The following MYO16 variants were observed in gnomAD, a reference collection of about 807,000 sequenced individuals.
The protein encoded by MYO16 is unconventional myosin-XVI.
A neutral mutation model predicts 205.3 loss-of-function variants in MYO16; 94 were observed. The observed-to-expected ratio is 0.46, with a 90% CI of 0.39 to 0.54. MYO16 has a LOEUF of 0.54. MYO16 is among the 20% of genes least tolerant of loss of function. The pLI, the probability that MYO16 is intolerant of heterozygous loss-of-function variation, is 0.00. For missense variants in MYO16, 2,315 were observed against 2,387.5 expected, an observed-to-expected ratio of 0.97 and a Z score of 0.63; for synonymous variants, 988 against 954.0, an observed-to-expected ratio of 1.04 and a Z score of -0.66.
intron 23 of MYO16, among the ~76,000 whole-genome samples, chr13:109,039,841 C>T (rs1458343075): frequency 2.0e-5 from 3 of 151,760 alleles, no homozygotes; most frequent in African/African-American, 7.3e-5. Context: ...GACAAAAAAG[C>T]AGAAATCAAT....
intron 20 of MYO16, among the ~76,000 whole-genome samples, chr13:108,978,783 C>T (rs1371623106): frequency 6.6e-6 from 1 of 151,908 alleles, no homozygotes; most frequent in Admixed American, 6.5e-5. Context: ...ATCATATACT[C>T]CTTTAATGTC....
In MYO16 at chr13:108,844,395, A is replaced by G. The variant is rs375287800; in HGVS notation, c.1150A>G (p.Ile384Val). The stretch of plus-strand genomic sequence containing the variant: ...GCAAGACAGTTTGTTGGAAAAAGAC[A>G]TTATGTTCAAAGATGCAACAAAAGG... ...AKQDSLLEKD[I>V]MFKDATKGLC... The change falls in exon 10 of 35, where the codon ATT becomes GTT. Residue 384 changes from isoleucine to valine, a missense_variant. By Grantham distance (29) the Ile-to-Val change is conservative. This residue lies in a region of MYO16 where 1,213 missense variants were observed against 1,274.4 expected (regional missense o/e 0.95). Transcript: ENST00000457511. 1.7e-5 allele frequency: 28 copies of G among 1,613,488 alleles called. No homozygotes were observed. In the African/African-American group the frequency reaches 3.6e-4, roughly 21 times the overall value.
At chr13:109,090,227 A>G (rs1888576832) in intron 27 of MYO16, among the ~76,000 whole-genome samples, 1 of 152,190 alleles carries the variant, frequency 6.6e-6, no homozygotes, top group Non-Finnish European at 1.5e-5. Flanking sequence ...GACCATGGTG[A>G]GAACTGAGAA....
At chr13:108,755,952 C>T (rs1056808578) in intron 4 of MYO16, among the ~76,000 whole-genome samples, 1 of 152,096 alleles carries the variant, frequency 6.6e-6, no homozygotes, top group Non-Finnish European at 1.5e-5. Context: ...GAAGTGCTTC[C>T]GTTACTTCTG....
chr13:108,618,778 T>C (rs867509236), intron 1 of MYO16, among the ~76,000 whole-genome samples: 1 of 152,206 alleles, frequency 6.6e-6, no homozygotes, highest in Non-Finnish European at 1.5e-5. Context: ...CTTTTCTCAC[T>C]GTGTCTGTTG....
chr13:108,678,328 G>A (rs1882318487), intron 2 of MYO16, among the ~76,000 whole-genome samples: 1 of 152,154 alleles, frequency 6.6e-6, no homozygotes, highest in South Asian at 2.1e-4. Context: ...TACTCTTTCA[G>A]CCTTTCATGA....
At chr13:109,139,605 G>C (rs573897549) in intron 31 of MYO16, among the ~76,000 whole-genome samples, 1 of 152,198 alleles carries the variant, frequency 6.6e-6, no homozygotes, top group East Asian at 1.9e-4. Flanking sequence ...GCAGACTTGC[G>C]TCTTAAGAGC....
chr13:108,910,974 C>A (rs1881229147), intron 16 of MYO16, among the ~76,000 whole-genome samples: 1 of 150,422 alleles, frequency 6.6e-6, no homozygotes, highest in Non-Finnish European at 1.5e-5. Context: ...TCTAGGGGAA[C>A]AGTGTGAGTT....
intron 32 of MYO16, among the ~76,000 whole-genome samples, chr13:109,157,776 T>C (rs1218408312): frequency 1.3e-5 from 2 of 152,126 alleles, no homozygotes; most frequent in Admixed American, 6.5e-5. Flanking sequence ...ACCGTCAAAA[T>C]TAGCTCAGCT....
At chr13:108,709,993 G>C (rs930757639) in intron 2 of MYO16, among the ~76,000 whole-genome samples, 2 of 88,382 alleles carry the variant, frequency 2.3e-5, no homozygotes, top group Non-Finnish European at 2.5e-5. Context: ...GGGCTGGATG[G>C]AGGAAGAAGC....
intron 3 of MYO16, among the ~76,000 whole-genome samples, chr13:108,717,140 C>T (rs1226037286): frequency 6.6e-6 from 1 of 152,022 alleles, no homozygotes; most frequent in East Asian, 1.9e-4. Context: ...AAATGTTGTC[C>T]AGGGTTTTGT....
rs201978791 is a variant in MYO16 at position 109,140,246 on chromosome 13, C to A, written c.4052-18C>A. Reference sequence around the variant, plus strand: ...GGCCTGGCCTGGCACCCACTGACCGCGTCCTTTCCTGCCGCAGCTCTGGCC... The same window carrying A: ...GGCCTGGCCTGGCACCCACTGACCGAGTCCTTTCCTGCCGCAGCTCTGGCC... On this transcript the variant is annotated intron_variant, in intron 31 of 34. Coordinates refer to ENST00000457511, the MANE Select transcript of MYO16 (RefSeq NM_001198950.3). This position sits in a 1 kb window ranked among gnomAD's most constrained non-coding sequence, Gnocchi z 8.0. 7 of 1,597,214 alleles carry A rather than the reference C, an allele frequency of 4.4e-6. No individual in the cohort carries two copies. Among genetic ancestry groups the A allele is most frequent in the African/African-American group, 2.7e-5 (2 of 74,634 alleles).
chr13:108,599,384 G>A (rs34179483), intron 1 of MYO16, among the ~76,000 whole-genome samples: 39,214 of 146,180 alleles, frequency 0.27, 5,449 homozygotes, highest in Middle Eastern at 0.33. Context: ...GTCGAATGGT[G>A]TTTCTAGTTC....
At chr13:108,880,292 T>G (rs1251007195) in intron 12 of MYO16, among the ~76,000 whole-genome samples, 1 of 152,178 alleles carries the variant, frequency 6.6e-6, no homozygotes, top group African/African-American at 2.4e-5. Context: ...ATTGCAAAAA[T>G]TTTCTCCCAT....
At chr13:108,781,103 T>A (rs1393626169) in intron 4 of MYO16, among the ~76,000 whole-genome samples, 3 of 152,268 alleles carry the variant, frequency 2.0e-5, no homozygotes, top group Non-Finnish European at 4.4e-5. Context: ...CTCCTAATTG[T>A]ATTCACTATC....
intron 15 of MYO16, among the ~76,000 whole-genome samples, chr13:108,909,462 C>A (rs185556945): frequency 6.6e-4 from 100 of 152,160 alleles, no homozygotes; most frequent in African/African-American, 2.1e-3. Flanking sequence ...TAAACTATAT[C>A]TGTGTGAATT....
intron 16 of MYO16, among the ~76,000 whole-genome samples, chr13:108,937,129 T>A (rs1032380132): frequency 2.0e-5 from 3 of 152,202 alleles, no homozygotes; most frequent in Non-Finnish European, 4.4e-5. Context: ...GGATACGAAA[T>A]TTTTGGTTGG....
chr13:108,795,419 A>T (rs938366676), intron 6 of MYO16, among the ~76,000 whole-genome samples: 1 of 152,114 alleles, frequency 6.6e-6, no homozygotes, highest in Non-Finnish European at 1.5e-5. Flanking sequence ...CATGTTAGCC[A>T]GGCTGGTCTC....
chr13:108,960,586 A>G (rs1883544712), intron 17 of MYO16, among the ~76,000 whole-genome samples: 1 of 152,186 alleles, frequency 6.6e-6, no homozygotes, highest in Non-Finnish European at 1.5e-5. Context: ...TGTATTTATA[A>G]AGCACATCAG....
Sources: allele counts gnomAD v4.1 joint callset (sites outside exome capture counted in the v4.1 genomes callset), GRCh38; gene constraint gnomAD v4.1.1; regional missense constraint gnomAD v4.1.1; non-coding constraint Gnocchi (gnomAD v3.1); transcripts MANE v1.5; gene names NCBI Gene and HGNC (gene_info 2026-07-23, HGNC 2026-07-21).